SNX9: variants seen among roughly 807,000 people sequenced by gnomAD.
SNX9 encodes sorting nexin-9.
In SNX9, 44 loss-of-function variants were observed where a neutral mutation model predicts 89.4. The observed-to-expected ratio is 0.49, with a 90% CI of 0.39 to 0.63. SNX9 has a LOEUF of 0.63. Among genes scored for constraint, SNX9 ranks in the 30% least tolerant of loss-of-function variants. The pLI is 0.00. For missense variants in SNX9, 578 were observed against 736.1 expected (o/e 0.79, Z 2.49); for synonymous variants, 236 against 247.8 (o/e 0.95, Z 0.45).
rs780085204 is a variant in SNX9 at position 157,942,868 on chromosome 6, G to A, written c.*30G>A. On this transcript the variant is annotated 3_prime_UTR_variant, in exon 18 of 18. Transcript: ENST00000392185. ...GAACGGGCCTTGAAGAGAATGCCGCGTGCTTTCTCCTGACTTGGGGCAATG... is the reference window on the plus strand; with the variant it reads ...GAACGGGCCTTGAAGAGAATGCCGCATGCTTTCTCCTGACTTGGGGCAATG... 7 of 1,601,644 alleles carry A rather than the reference G, an allele frequency of 4.4e-6. No individual in the cohort carries two copies. The highest frequency in any genetic ancestry group is 3.4e-5 in the Admixed American group (2 of 59,092).
At chr6:157,897,172 C>T in intron 5 of SNX9, among the ~76,000 whole-genome samples, 174 bp downstream of exon 5, 1 of 147,800 alleles carries the variant, frequency 6.8e-6, no homozygotes, top group Non-Finnish European at 1.5e-5. Context: ...CAGCAGACAC[C>T]AGCTGAGTGT....
At chr6:157,885,506 A>T (rs1782716214) in intron 4 of SNX9, 1 of 152,200 alleles carries the variant, frequency 6.6e-6, no homozygotes, top group African/African-American at 2.4e-5. Context: ...TGAGGAAAAG[A>T]GTTAAATTTT....
At chr6:157,928,739 G>C (rs942642910) in intron 12 of SNX9, 37 bp downstream of exon 12, 2 of 1,465,600 alleles carry the variant, frequency 1.4e-6, no homozygotes, top group East Asian at 5.1e-5. Context: ...GGCTCGTAGG[G>C]GGTGATGCAG....
chr6:157,928,560 T>G lies in SNX9; in HGVS notation c.1185-39T>G, dbSNP rs367741283. The G allele has an allele frequency of 1.6e-5, 24 of 1,520,294 alleles. No homozygotes were observed. The African/African-American group carries it at 3.2e-4, about 20-fold the overall frequency. 94.2% of individuals were successfully genotyped at this position (1,520,294 alleles called of 1,614,324 possible). A position where few individuals can be genotyped will look rare whatever the true frequency, so the allele number is the denominator to read the frequency against. ...CGAGTATCCCCACAGCAGTGCTGTT[T>G]CTCCTGCTTATGTGACTGACGGCCG... On this transcript the variant is annotated intron_variant, in intron 11 of 17. Coordinates refer to ENST00000392185, the MANE Select transcript of SNX9 (RefSeq NM_016224.5).
At chr6:157,884,864 CT>C (rs1054824206) in intron 4 of SNX9, among the ~76,000 whole-genome samples, 1 of 151,234 alleles carries the variant, frequency 6.6e-6, no homozygotes, top group Admixed American at 6.6e-5. Flanking sequence ...AAAGCAAAGT[CT>C]TTTTTTTTAA....
intron 1 of SNX9, among the ~76,000 whole-genome samples, chr6:157,850,776 A>G (rs1781895186): frequency 2.6e-5 from 4 of 152,114 alleles, no homozygotes; most frequent in Admixed American, 2.6e-4. Context: ...CACTTTTAAG[A>G]GCATATATCT....
intron 9 of SNX9, among the ~76,000 whole-genome samples, chr6:157,918,945 G>T (rs1783527924): frequency 6.6e-6 from 1 of 151,702 alleles, no homozygotes; most frequent in Non-Finnish European, 1.5e-5. Context: ...ATACATTGTG[G>T]TAATTACTGC....
intron 1 of SNX9, among the ~76,000 whole-genome samples, chr6:157,839,204 TG>T (rs1239827842): frequency 2.6e-5 from 4 of 152,218 alleles, no homozygotes; most frequent in African/African-American, 9.7e-5. Flanking sequence ...TATATGTGTG[TG>T]GGGATGTATA....
intron 2 of SNX9, chr6:157,872,839 A>G (rs1276971295): frequency 3.5e-6 from 1 of 287,334 alleles, no homozygotes; most frequent in Non-Finnish European, 6.6e-6. Context: ...TACACAGACA[A>G]GATGAGGGTC....
intron 1 of SNX9, among the ~76,000 whole-genome samples, chr6:157,835,364 A>C (rs1781562364): frequency 6.6e-6 from 1 of 151,660 alleles, no homozygotes; most frequent in South Asian, 2.1e-4. Flanking sequence ...CAATTACTAT[A>C]TAATGACCAA....
chr6:157,933,590 C>G (rs2115211562), intron 13 of SNX9, among the ~76,000 whole-genome samples: 1 of 152,318 alleles, frequency 6.6e-6, no homozygotes, highest in East Asian at 1.9e-4. Flanking sequence ...ACTGGGAACT[C>G]AAGGCCAGAA....
intron 9 of SNX9, among the ~76,000 whole-genome samples, chr6:157,917,860 A>G (rs1194226273): frequency 6.6e-6 from 1 of 152,174 alleles, no homozygotes; most frequent in Middle Eastern, 3.2e-3. Context: ...GGTTGGTTGA[A>G]TCCATGGGTG....
At chr6:157,875,298 A>G (rs1782497326) in intron 4 of SNX9, 122 bp downstream of exon 4, 1 of 1,338,010 alleles carries the variant, frequency 7.5e-7, no homozygotes, top group African/African-American at 1.5e-5. Context: ...AGTCGCTTTT[A>G]GGTTGTTCTG....
At chr6:157,831,688 C>A (rs568433631) in intron 1 of SNX9, among the ~76,000 whole-genome samples, 1 of 152,232 alleles carries the variant, frequency 6.6e-6, no homozygotes. Context: ...GCTTTCACTT[C>A]CTTTGTGGCC....
chr6:157,834,167 T>TG (rs1781532907), intron 1 of SNX9, among the ~76,000 whole-genome samples: 1 of 116,556 alleles, frequency 8.6e-6, no homozygotes, highest in Admixed American at 8.7e-5. Flanking sequence ...TTTTTTTTTT[T>TG]TTTTTTTTTT....
chr6:157,891,090 G>C (rs1450752019), intron 4 of SNX9, among the ~76,000 whole-genome samples: 1 of 139,324 alleles, frequency 7.2e-6, no homozygotes, highest in African/African-American at 2.8e-5. Flanking sequence ...GGAGTGTAGT[G>C]GTGTGAACTC....
At chr6:157,920,522 G>A (rs1783562255) in intron 9 of SNX9, among the ~76,000 whole-genome samples, 3 of 152,146 alleles carry the variant, frequency 2.0e-5, no homozygotes, top group Admixed American at 6.5e-5. Flanking sequence ...CAGCAGATGC[G>A]GGGGAGACAG....
At chr6:157,902,610 G>A (rs75322805) in intron 6 of SNX9, among the ~76,000 whole-genome samples, 1,739 of 152,162 alleles carry the variant, frequency 0.011, 32 homozygotes, top group African/African-American at 0.037. Flanking sequence ...AACGTGGTCC[G>A]GAGCTTTGTG....
intron 10 of SNX9, among the ~76,000 whole-genome samples, chr6:157,925,997 A>C (rs189516159): frequency 6.6e-6 from 1 of 152,254 alleles, no homozygotes; most frequent in Non-Finnish European, 1.5e-5. Context: ...AAAGGGACAA[A>C]CCCCCTCCAT....
Sources: gnomAD v4.1 joint callset for allele counts (sites outside exome capture counted in the v4.1 genomes callset) on GRCh38, gnomAD v4.1.1 for gene constraint, MANE v1.5 for transcripts, NCBI Gene and HGNC (gene_info 2026-07-23, HGNC 2026-07-21) for gene names.